PTGER3: variants seen among roughly 807,000 people sequenced by gnomAD.
PTGER3 encodes prostaglandin E receptor 3.
PTGER3 carries 22 observed loss-of-function variants against 34.7 expected under a neutral mutation model. That is an observed-to-expected ratio of 0.63 (90% confidence interval 0.45 to 0.91). PTGER3 has a LOEUF of 0.91. Among genes scored for constraint, PTGER3 ranks in the 40% least tolerant of loss-of-function variants. The pLI is 0.00. For missense variants in PTGER3, 468 were observed against 519.4 expected (o/e 0.90, Z 0.96); for synonymous variants, 241 against 230.1 (o/e 1.05, Z -0.43).
intron 1 of PTGER3, 127 bp downstream of exon 1, chr1:71,046,554 A>C (rs925448392): frequency 8.5e-7 from 1 of 1,177,394 alleles, no homozygotes; most frequent in African/African-American, 1.6e-5. Flanking sequence ...CGCGGGCAGG[A>C]GGAAAGGACA....
chr1:71,039,699 T>G (rs1165143222), intron 1 of PTGER3, among the ~76,000 whole-genome samples: 2 of 150,888 alleles, frequency 1.3e-5, no homozygotes, highest in African/African-American at 2.4e-5. Context: ...TTAGGCACAG[T>G]TGGTTTACCA....
intron 4 of PTGER3, among the ~76,000 whole-genome samples, chr1:70,882,279 T>C (rs963225937): frequency 3.9e-5 from 6 of 152,316 alleles, no homozygotes; most frequent in African/African-American, 1.2e-4. Flanking sequence ...AACAGAATGC[T>C]GCACTCTTGG....
chr1:70,972,136 G>A (rs1228665911), intron 3 of PTGER3, among the ~76,000 whole-genome samples: 5 of 152,070 alleles, frequency 3.3e-5, no homozygotes, highest in Non-Finnish European at 7.4e-5. Context: ...GACCATCCTG[G>A]TCAACATGGT....
intron 1 of PTGER3, among the ~76,000 whole-genome samples, chr1:71,028,103 G>T (rs925755069): frequency 4.6e-5 from 7 of 152,126 alleles, no homozygotes; most frequent in Non-Finnish European, 8.8e-5. Flanking sequence ...CATCTCCCCT[G>T]CTCATGGACA....
In PTGER3 at chr1:70,979,647, C is replaced by A. The variant is rs146809410; in HGVS notation, c.1078-5259G>T. On this transcript the variant is annotated intron_variant, in intron 2 of 3. Transcript: ENST00000306666. ...AAAGTTTCCTTCCTTTCTTATCTTT[C>A]CTCTCAGAATTCAAACTGCCTGGAG... 5.3e-3 allele frequency among the ~76,000 whole-genome samples: 812 copies of A among 152,178 alleles called. 13 individuals carry two copies. Among genetic ancestry groups the A allele is most frequent in the African/African-American group, 0.019 (774 of 41,510 alleles).
At chr1:70,974,763 T>A (rs1398458367) in intron 2 of PTGER3, among the ~76,000 whole-genome samples, 1 of 152,206 alleles carries the variant, frequency 6.6e-6, no homozygotes, top group Non-Finnish European at 1.5e-5. Context: ...ATAGAATTCC[T>A]AACATGACAT....
intron 1 of PTGER3, among the ~76,000 whole-genome samples, chr1:71,013,702 C>CAAAAAAAAAAA: frequency 9.5e-6 from 1 of 105,612 alleles, no homozygotes; most frequent in South Asian, 3.3e-4. Flanking sequence ...AACTCTGTCT[C>CAAAAAAAAAAA]AAAAAAAAAA....
intron 2 of PTGER3, among the ~76,000 whole-genome samples, chr1:70,958,448 T>C (rs958455312): frequency 7.2e-5 from 11 of 152,212 alleles, no homozygotes; most frequent in Non-Finnish European, 1.0e-4. Context: ...TTTGCATTTT[T>C]AATCTATCTG....
intron 4 of PTGER3, among the ~76,000 whole-genome samples, chr1:70,922,989 A>T (rs1647696591): frequency 6.6e-6 from 1 of 152,204 alleles, no homozygotes; most frequent in Non-Finnish European, 1.5e-5. Flanking sequence ...CCTGCTTATG[A>T]TCTGACCTGT....
In PTGER3 at chr1:71,029,535, T is replaced by C. The variant is rs185529413; in HGVS notation, c.898-17051A>G. ...AAATTATAAAATAAGCATTTGTCTA[T>C]TGTGGCCAATCATCCTCATTGCCAT... On this transcript the variant is annotated intron_variant, in intron 1 of 3. Transcript: ENST00000306666. Among the ~76,000 whole-genome samples, 442 of 152,362 alleles carry C rather than the reference T, an allele frequency of 2.9e-3. 3 individuals are homozygous for C. Among genetic ancestry groups the C allele is most frequent in the African/African-American group, 9.9e-3 (413 of 41,580 alleles).
chr1:70,940,338 G>A (rs1025206959), intron 4 of PTGER3, among the ~76,000 whole-genome samples: 6 of 152,104 alleles, frequency 3.9e-5, no homozygotes, highest in African/African-American at 1.4e-4. Context: ...ACATTTTTCT[G>A]ACTTCTTCTG....
intron 4 of PTGER3, chr1:70,865,705 C>A (rs527772094): frequency 7.3e-7 from 1 of 1,366,406 alleles, no homozygotes; most frequent in East Asian, 4.6e-5. Context: ...GTTTGAAGCT[C>A]GCAAGTGTTA....
chr1:71,012,829 A>G (rs1657561612), intron 1 of PTGER3, among the ~76,000 whole-genome samples: 1 of 152,242 alleles, frequency 6.6e-6, no homozygotes. Context: ...ATGAGAGCCA[A>G]CACTTCAACA....
intron 2 of PTGER3, among the ~76,000 whole-genome samples, chr1:70,959,090 C>T (rs747446823): frequency 7.9e-5 from 12 of 152,108 alleles, no homozygotes; most frequent in South Asian, 4.1e-4. Flanking sequence ...TAGTATATTT[C>T]GAAGTCAGAT....
intron 4 of PTGER3, among the ~76,000 whole-genome samples, chr1:70,886,100 G>A (rs1456620308): frequency 6.6e-6 from 1 of 152,180 alleles, no homozygotes; most frequent in Admixed American, 6.5e-5. Flanking sequence ...CCAGTGTGCT[G>A]ACATTTGGAG....
chr1:71,046,863 G>GC lies in PTGER3; in HGVS notation c.714dup (p.Leu239AlafsTer16). The GC allele has an allele frequency of 6.2e-7, 1 of 1,614,008 alleles. No homozygotes were observed. The highest frequency in any genetic ancestry group is 8.5e-7 in the Non-Finnish European group (1 of 1,179,996). ...GAAAAGGTGACTGTCAGCGCCAAGA[G>GC]CCCCAGGAAGGCAAAGGCAGAGGCG... On this transcript the variant is annotated frameshift_variant, in exon 1 of 4. Coordinates refer to ENST00000306666, the MANE Select transcript of PTGER3 (RefSeq NM_198719.2). LOFTEE classifies it high-confidence loss of function.
chr1:70,886,596 A>G (rs375314700), intron 4 of PTGER3, among the ~76,000 whole-genome samples: 5 of 152,250 alleles, frequency 3.3e-5, no homozygotes, highest in South Asian at 4.1e-4. Flanking sequence ...CGAAAGCACA[A>G]CCACTTTCCT....
intron 4 of PTGER3, among the ~76,000 whole-genome samples, chr1:70,898,631 G>T (rs1365421837): frequency 2.6e-5 from 4 of 152,010 alleles, no homozygotes; most frequent in African/African-American, 9.7e-5. Context: ...ATCATCACTG[G>T]GCCACTTACT....
intron 4 of PTGER3, among the ~76,000 whole-genome samples, chr1:70,903,901 C>T (rs1646892024): frequency 6.6e-6 from 1 of 152,110 alleles, no homozygotes; most frequent in African/African-American, 2.4e-5. Context: ...AAATTCTTCC[C>T]TCGGTTGGTT....
Sources: allele counts gnomAD v4.1 joint callset (sites outside exome capture counted in the v4.1 genomes callset), GRCh38; gene constraint gnomAD v4.1.1; transcripts MANE v1.5; gene names NCBI Gene and HGNC (gene_info 2026-07-23, HGNC 2026-07-21).